ACOT6: variants seen among roughly 807,000 people sequenced by gnomAD.
ACOT6 encodes the protein acyl-coenzyme A thioesterase 6.
Under a neutral mutation model 12.3 loss-of-function variants are expected in ACOT6, and 14 were observed. That is an observed-to-expected ratio of 1.14 (90% CI 0.75 to 1.78). The LOEUF (loss-of-function observed/expected upper bound fraction) is 1.78, where lower values mean the gene tolerates loss of function less well. Among genes scored for constraint, ACOT6 ranks in the 40% most tolerant of loss-of-function variants. The pLI is 0.00. For synonymous variants in ACOT6, 218 were observed against 231.3 expected (o/e 0.94, Z 0.52); for missense variants, 523 against 551.8 (o/e 0.95, Z 0.52).
At chr14:73,619,136 GA>G (rs1566871548) in intron 2 of ACOT6, 97 bp from the exon 3 acceptor site, 4 of 1,443,160 alleles carry the variant, frequency 2.8e-6, no homozygotes, top group Non-Finnish European at 1.8e-6. Context: ...TCTCAAAAAA[GA>G]AAAAAAAGAG....
Position 73,619,677 on chromosome 14 carries a change from T to C in ACOT6, c.1104T>C (p.Pro368=). Residue 368 remains proline, a synonymous_variant, in exon 3 of 3, where the codon CCT becomes CCC. Coordinates refer to ENST00000645972, the MANE Select transcript of ACOT6 (RefSeq NM_001365788.1). ...ACTGTATTGACCCACCTTATTTTCCTCCTTCTAGAGCTTCTGTGCACGCTG... is the reference window on the plus strand; with the variant it reads ...ACTGTATTGACCCACCTTATTTTCCCCCTTCTAGAGCTTCTGTGCACGCTG... ...TGHCIDPPYF[P]PSRASVHAVL... 6.2e-7 allele frequency: 1 copy of C among 1,614,180 alleles called. No individual in the cohort carries two copies. Among genetic ancestry groups the C allele is most frequent in the Non-Finnish European group, 8.5e-7 (1 of 1,180,030 alleles).
At chr14:73,618,399 C>A (rs1419781156) in intron 2 of ACOT6, among the ~76,000 whole-genome samples, 1 of 146,508 alleles carries the variant, frequency 6.8e-6, no homozygotes, top group East Asian at 1.9e-4. Flanking sequence ...TGTATATATA[C>A]CTAGGCCTTA....
intron 2 of ACOT6, among the ~76,000 whole-genome samples, chr14:73,618,325 A>ACTGTATTTAACAGTTTGTTCATTTG (rs1890573970): frequency 1.3e-5 from 2 of 151,830 alleles, no homozygotes; most frequent in African/African-American, 4.9e-5. Context: ...GGCACCCCAG[A>ACTGTATTTAACAGTTTGTTCATTTG]ATTCTCTGCC....
chr14:73,612,805 G>T lies in ACOT6; in HGVS notation c.234G>T (p.Met78Ile), dbSNP rs963814780. Residue 78 changes from methionine to isoleucine, a missense_variant, in exon 1 of 3, where the codon ATG becomes ATT. By Grantham distance (10) the Met-to-Ile change is conservative (BLOSUM62 1). Around this residue, in one of 2 missense-constraint regions of ACOT6, gnomAD observed 304 missense variants for 274.8 expected, o/e 1.11. Coordinates refer to ENST00000645972, the MANE Select transcript of ACOT6 (RefSeq NM_001365788.1). ...LGGSFAGLQP[M>I]GLLWALEPEK... ...GCAGCTTCGCGGGGCTCCAGCCCAT[G>T]GGGCTGCTGTGGGCGTTGGAGCCCG... 9 of 1,405,040 alleles carry T rather than the reference G, an allele frequency of 6.4e-6. No individual in the cohort carries two copies. Among genetic ancestry groups the T allele is most frequent in the Non-Finnish European group, 7.4e-6 (8 of 1,074,650 alleles). 87.0% of individuals were successfully genotyped at this position (1,405,040 alleles called of 1,614,324 possible).
chr14:73,619,826 A>G lies in ACOT6; in HGVS notation c.1253A>G (p.His418Arg), dbSNP rs753092839. 3 of 1,599,894 alleles carry G rather than the reference A, an allele frequency of 1.9e-6. No individual in the cohort carries two copies. Among genetic ancestry groups the G allele is most frequent in the Non-Finnish European group, 2.6e-6 (3 of 1,175,410 alleles). The change falls in exon 3 of 3, where the codon CAC becomes CGC. Residue 418 changes from histidine (H) to arginine (R), a missense_variant. By Grantham distance (29) the His-to-Arg change is conservative. Transcript: ENST00000645972. ...KHLNGKKSVK[H>R]SKI ...CTCAATGGTAAAAAATCTGTCAAGC[A>G]CAGCAAAATATAACATTGTAGCCAC... is the stretch of plus-strand genomic sequence containing the variant.
rs757414993 is a variant in ACOT6 at position 73,619,254 on chromosome 14, G to A, written c.681G>A (p.Ala227=). Residue 227 remains alanine (A), a synonymous_variant, in exon 3 of 3, where the codon GCG becomes GCA. Transcript: ENST00000645972. ...AACAGGTGAAAGGTCCTAGTATTGC[G>A]CTTCTTGGATTTTCCAAAGGAGGTG... is the stretch of plus-strand genomic sequence containing the variant. ...QHPKVKGPSI[A]LLGFSKGGDL... 4.2e-5 allele frequency: 67 copies of A among 1,590,818 alleles called. No homozygotes were observed. Among genetic ancestry groups the A allele is most frequent in the Non-Finnish European group, 5.2e-5 (61 of 1,172,116 alleles).
intron 2 of ACOT6, among the ~76,000 whole-genome samples, chr14:73,618,273 G>C (rs537176943): frequency 1.3e-5 from 2 of 152,258 alleles, no homozygotes; most frequent in South Asian, 4.1e-4. Context: ...AAGATGTTCT[G>C]CAGGGTTCTC....
rs867699171 is a variant in ACOT6 at position 73,612,522 on chromosome 14, C to A, written c.-50C>A. On this transcript the variant is annotated 5_prime_UTR_variant, in exon 1 of 3. Transcript: ENST00000645972. Reference sequence around the variant, plus strand: ...CAGCGCTCGGCAAAGCCGCCAGGCCCGCCCACTGACTCCGCGGAGCTGGGT... The same window carrying A: ...CAGCGCTCGGCAAAGCCGCCAGGCCAGCCCACTGACTCCGCGGAGCTGGGT... 16 of 1,177,246 alleles carry A rather than the reference C, an allele frequency of 1.4e-5. No individual in the cohort carries two copies. The Middle Eastern group carries it at 3.0e-3, about 224-fold the overall frequency. 72.9% of individuals were successfully genotyped at this position (1,177,246 alleles called of 1,614,324 possible).
chr14:73,619,069 A>C (rs1671351622), intron 2 of ACOT6, among the ~76,000 whole-genome samples, 165 bp from the exon 3 acceptor site: 1 of 152,122 alleles, frequency 6.6e-6, no homozygotes, highest in African/African-American at 2.4e-5. Flanking sequence ...GGTGGAGGTT[A>C]CAGTGAGCCA....
chr14:73,612,187 A>C (rs1256782477), upstream of ACOT6, among the ~76,000 whole-genome samples: 1 of 152,008 alleles, frequency 6.6e-6, no homozygotes, highest in Non-Finnish European at 1.5e-5. Flanking sequence ...GATTACAGGC[A>C]TGCGCCACCA....
chr14:73,616,074 C>T (rs1721110495), intron 1 of ACOT6, among the ~76,000 whole-genome samples: 1 of 151,800 alleles, frequency 6.6e-6, no homozygotes, highest in Non-Finnish European at 1.5e-5. Context: ...TCAGATGATC[C>T]TCCCGCCTCT....
At chr14:73,615,737 AAACAAAC>A (rs1890527377) in intron 1 of ACOT6, among the ~76,000 whole-genome samples, 22 of 12,170 alleles carry the variant, frequency 1.8e-3, no homozygotes, top group African/African-American at 8.0e-3. Flanking sequence ...TTGTCTCAAC[AAACAAAC>A]AAACAAACAA....
At chr14:73,613,897 TA>T (rs910278995) in intron 1 of ACOT6, among the ~76,000 whole-genome samples, 3 of 151,780 alleles carry the variant, frequency 2.0e-5, no homozygotes, top group African/African-American at 7.3e-5. Flanking sequence ...CTCTACCATA[TA>T]AAAATGATGA....
intron 1 of ACOT6, among the ~76,000 whole-genome samples, chr14:73,614,584 A>G (rs897240062): frequency 3.3e-5 from 5 of 151,628 alleles, no homozygotes; most frequent in African/African-American, 1.2e-4. Flanking sequence ...TACTAATTAT[A>G]TAATACAAAA....
chr14:73,613,115 C>G (rs558985814), intron 1 of ACOT6, 83 bp downstream of exon 1: 1 of 512,040 alleles, frequency 2.0e-6, no homozygotes, highest in Admixed American at 4.3e-5. Flanking sequence ...TGTGGAACAT[C>G]CCTGAACTTG....
intron 2 of ACOT6, among the ~76,000 whole-genome samples, chr14:73,617,616 A>G (rs1204916701): frequency 1.3e-5 from 2 of 152,164 alleles, no homozygotes; most frequent in African/African-American, 4.8e-5. Flanking sequence ...TGGCCTTATG[A>G]TTCTGAATAA....
At chr14:73,611,326 T>C (rs1054884450), upstream of ACOT6, among the ~76,000 whole-genome samples, 5 of 152,220 alleles carry the variant, frequency 3.3e-5, no homozygotes, top group Non-Finnish European at 7.3e-5. Flanking sequence ...AAGGGACTTA[T>C]AGTCTCCTCC....
At position 73,619,336 on chromosome 14, in the gene ACOT6, A is replaced by T; in HGVS notation, c.763A>T (p.Asn255Tyr). ...GGGCATCACAGCCACTGTACTTATC[A>T]ATGCCTGTGTAGCCAACACAGTAGC... The part of the protein sequence containing the change: ...LKGITATVLI[N>Y]ACVANTVAPL... The change falls in exon 3 of 3, where the codon AAT becomes TAT. Residue 255 changes from asparagine to tyrosine, a missense_variant. Physicochemically the swap from Asn to Tyr is moderately radical, Grantham distance 143 (BLOSUM62 -2). Transcript: ENST00000645972. 6.2e-7 allele frequency: 1 copy of T among 1,614,176 alleles called. No individual in the cohort carries two copies. Among genetic ancestry groups the T allele is most frequent in the Non-Finnish European group, 8.5e-7 (1 of 1,180,046 alleles).
chr14:73,615,370 G>A (rs1199615519), intron 1 of ACOT6, among the ~76,000 whole-genome samples: 4 of 125,028 alleles, frequency 3.2e-5, no homozygotes, highest in African/African-American at 1.4e-4. Context: ...CTGGGCAACA[G>A]AGAGAGACTC....
Sources: gnomAD v4.1 joint callset for allele counts (sites outside exome capture counted in the v4.1 genomes callset) on GRCh38, gnomAD v4.1.1 for gene constraint, gnomAD v4.1.1 regional missense constraint, MANE v1.5 for transcripts, NCBI Gene and HGNC (gene_info 2026-07-23, HGNC 2026-07-21) for gene names.